CAND2: variants seen among roughly 807,000 people sequenced by gnomAD.
The protein encoded by CAND2 is cullin associated and neddylation dissociated 2 (putative).
A neutral mutation model predicts 98.9 loss-of-function variants in CAND2; 62 were observed. The observed-to-expected ratio is 0.63, with a 90% CI of 0.51 to 0.77. The LOEUF (loss-of-function observed/expected upper bound fraction) is 0.77, where lower values mean the gene tolerates loss of function less well. Ranked by LOEUF, CAND2 falls within the 30% of genes least tolerant of loss-of-function variation. CAND2 has a pLI of 0.00. For synonymous variants in CAND2, 770 were observed against 731.9 expected (o/e 1.05, Z -0.84); for missense variants, 1,501 against 1,655.2 (o/e 0.91, Z 1.62).
chr3:12,808,554 C>G (rs1454734627), intron 4 of CAND2, among the ~76,000 whole-genome samples: 2 of 152,150 alleles, frequency 1.3e-5, no homozygotes, highest in Non-Finnish European at 1.5e-5. Flanking sequence ...CCTGCTCTGG[C>G]CAGAAAAATG....
intron 5 of CAND2, 72 bp from the exon 6 acceptor site, chr3:12,812,918 C>T: frequency 1.1e-6 from 1 of 911,646 alleles, no homozygotes; most frequent in Non-Finnish European, 1.8e-6. Context: ...CATAGACAGT[C>T]TGAGTGCTGT....
At position 12,812,221 on chromosome 3, in the gene CAND2, C is replaced by CTTTTTTTTTTTTTTTTT. The variant is rs531439250; in HGVS notation, c.758-766_758-750dup. Among the ~76,000 whole-genome samples the CTTTTTTTTTTTTTTTTT allele has an allele frequency of 4.4e-3, 326 of 74,488 alleles. 66 individuals carry two copies. In the East Asian group the frequency reaches 0.045, roughly 10 times the overall value. 48.9% of individuals were successfully genotyped at this position (74,488 alleles called of 152,430 possible). ...ACCATGCCCGGCCTAAGCTGTTTAT[C>CTTTTTTTTTTTTTTTTT]TTTTTTTTTTTTTTTTTTTGGAGAT... On this transcript the variant is annotated intron_variant, in intron 5 of 14. Coordinates refer to ENST00000456430, the MANE Select transcript of CAND2 (RefSeq NM_001162499.2).
chr3:12,828,344 T>TTTC (rs1471896925), intron 13 of CAND2, among the ~76,000 whole-genome samples: 2 of 150,182 alleles, frequency 1.3e-5, no homozygotes, highest in Non-Finnish European at 3.0e-5. Flanking sequence ...GTGTTTTTTT[T>TTTC]TTTTTTTTTT....
chr3:12,815,486 C>A lies in CAND2; in HGVS notation c.1299+53C>A. The A allele has an allele frequency of 6.6e-7, 1 of 1,519,112 alleles. No individual in the cohort carries two copies. Among genetic ancestry groups the A allele is most frequent in the Non-Finnish European group, 9.0e-7 (1 of 1,111,974 alleles). 94.1% of individuals were successfully genotyped at this position (1,519,112 alleles called of 1,614,324 possible). ...CCCCCGATTTGCCTACCCAGCCACT[C>A]ACTGTTAGTGTCCCTGGACTTGGAA... is the stretch of plus-strand genomic sequence containing the variant. On this transcript the variant is annotated intron_variant, in intron 8 of 14. Coordinates refer to ENST00000456430, the MANE Select transcript of CAND2 (RefSeq NM_001162499.2). This position sits in a 1 kb window ranked among gnomAD's most constrained non-coding sequence, Gnocchi z 5.7.
In CAND2 at chr3:12,812,595, G is replaced by A. The variant is rs572469472; in HGVS notation, c.758-395G>A. On this transcript the variant is annotated intron_variant, in intron 5 of 14. Transcript: ENST00000456430. ...AATTTTTTGTATTTTTAGTAGAGACGGGGTTTCACCTTGTTAGCCAGGATA... is the reference window on the plus strand; with the variant it reads ...AATTTTTTGTATTTTTAGTAGAGACAGGGTTTCACCTTGTTAGCCAGGATA... Among the ~76,000 whole-genome samples, 1,127 of 151,822 alleles carry A rather than the reference G, an allele frequency of 7.4e-3. 13 individuals carry two copies. Among genetic ancestry groups the A allele is most frequent in the African/African-American group, 0.025 (1,027 of 41,392 alleles).
Position 12,803,612 on chromosome 3 carries a change from C to A in CAND2, c.193C>A (p.Gln65Lys). 1 of 1,609,434 alleles carries A rather than the reference C, an allele frequency of 6.2e-7. No individual in the cohort carries two copies. Among genetic ancestry groups the A allele is most frequent in the Non-Finnish European group, 8.5e-7 (1 of 1,177,588 alleles). The stretch of plus-strand genomic sequence containing the variant: ...CCTGGAGGACAAGAACGGTGAGGTG[C>A]AGAACCTGGCTGTCAAGTGGTGAGT... ...RLLEDKNGEV[Q>K]NLAVKCLGPL... is the part of the protein sequence containing the mutation. Residue 65 changes from glutamine (Q) to lysine (K), a missense_variant, in exon 2 of 15, where the codon CAG (glutamine) becomes AAG (lysine). Gln to Lys is a moderately conservative substitution (Grantham distance 53). Transcript: ENST00000456430.
intron 2 of CAND2, among the ~76,000 whole-genome samples, chr3:12,806,823 T>C (rs1332464612): frequency 3.3e-5 from 5 of 152,194 alleles, no homozygotes; most frequent in Non-Finnish European, 7.3e-5. Flanking sequence ...GCATTGCCAA[T>C]GCTAACTCAC....
chr3:12,807,339 C>A lies in CAND2; in HGVS notation c.246C>A (p.Tyr82Ter). Residue 82 changes from tyrosine (Y) to a stop codon, truncating the protein, a stop_gained, in exon 3 of 15, where the codon TAC (tyrosine) becomes TAA (stop). Transcript: ENST00000456430. LOFTEE classifies it high-confidence loss of function. ...LGPLVVKVKE[Y>*]QVETIVDTLC... ...CTCTGGTGGTCAAAGTGAAGGAGTA[C>A]CAGGTGGAGACCATTGTGGACACCC... is the stretch of plus-strand genomic sequence containing the variant. 1.3e-6 allele frequency: 2 copies of A among 1,551,562 alleles called. No homozygotes were observed. Among genetic ancestry groups the A allele is most frequent in the Non-Finnish European group, 1.7e-6 (2 of 1,146,906 alleles).
At chr3:12,806,703 T>C (rs570552032) in intron 2 of CAND2, among the ~76,000 whole-genome samples, 1 of 152,270 alleles carries the variant, frequency 6.6e-6, no homozygotes, top group African/African-American at 2.4e-5. Context: ...TTTTACACTT[T>C]CCTGTGCATT....
chr3:12,801,476 C>T (rs3856810), intron 1 of CAND2, among the ~76,000 whole-genome samples: 23,378 of 152,194 alleles, frequency 0.15, 3,743 homozygotes, highest in African/African-American at 0.41. Flanking sequence ...TTAATTTTGG[C>T]GGGAATGGTG....
chr3:12,826,211 G>A (rs2061997728), intron 12 of CAND2, among the ~76,000 whole-genome samples: 1 of 152,190 alleles, frequency 6.6e-6, no homozygotes, highest in Admixed American at 6.5e-5. Flanking sequence ...CTATTGTGAT[G>A]TAATCCCATC....
intron 14 of CAND2, among the ~76,000 whole-genome samples, chr3:12,832,974 C>CCT (rs2062067359): frequency 6.6e-6 from 1 of 152,180 alleles, no homozygotes; most frequent in African/African-American, 2.4e-5. Flanking sequence ...GTCGTTTAAT[C>CCT]CTCTTGGCAA....
rs965214183 is a variant in CAND2, at chr3:12,834,786, A to G, written c.*804A>G. 1 of 152,174 alleles carries G rather than the reference A, an allele frequency of 6.6e-6. No homozygotes were observed. The highest frequency in any genetic ancestry group is 2.1e-4 in the South Asian group (1 of 4,820). 9.4% of individuals were successfully genotyped at this position (152,174 alleles called of 1,614,324 possible). A position where few individuals can be genotyped will look rare whatever the true frequency, so the allele number is the denominator to read the frequency against. On this transcript the variant is annotated 3_prime_UTR_variant, in exon 15 of 15. Transcript: ENST00000456430. ...TTTCTGTGATATCCCAGGTTAATAA[A>G]GATTAGATTCTAAGTTACTTCTTTC... is the stretch of plus-strand genomic sequence containing the variant.
rs937363344 is a variant in CAND2, at chr3:12,808,465, G to A, written c.491+132G>A. ...GCTCCTTAATCATCCCAGCAGCCTC[G>A]TAAAGGAGAACTCAATTGTCACAAT... On this transcript the variant is annotated intron_variant, in intron 4 of 14. Transcript: ENST00000456430. 8.7e-5 allele frequency: 89 copies of A among 1,017,784 alleles called. 2 individuals carry two copies. The South Asian group carries it at 1.2e-3, about 14-fold the overall frequency. The allele number at this position is 1,017,784 out of a possible 1,614,324, so 63.0% of individuals were successfully genotyped here. A position where few individuals can be genotyped will look rare whatever the true frequency, so the allele number is the denominator to read the frequency against.
intron 5 of CAND2, among the ~76,000 whole-genome samples, chr3:12,812,436 C>T (rs374627574): frequency 1.2e-4 from 14 of 113,498 alleles, no homozygotes; most frequent in African/African-American, 4.6e-4. Flanking sequence ...CTCGCTCTGT[C>T]GCCCAGGCCA....
In CAND2 at chr3:12,810,122, C is replaced by T; in HGVS notation, c.555C>T (p.Ser185=). ...TGCACTGTCTGCTGCCACAGCTGAG[C>T]AGCCCGCGCCTGGCGGTGCGCAAGC... ...SLLHCLLPQL[S]SPRLAVRKRA... Residue 185 remains serine (S), a synonymous_variant, in exon 5 of 15, where the codon AGC becomes AGT. Coordinates refer to ENST00000456430, the MANE Select transcript of CAND2 (RefSeq NM_001162499.2). 6.6e-7 allele frequency: 1 copy of T among 1,515,098 alleles called. No individual in the cohort carries two copies. The highest frequency in any genetic ancestry group is 8.8e-7 in the Non-Finnish European group (1 of 1,135,536). The allele number at this position is 1,515,098 out of a possible 1,614,324, so 93.9% of individuals were successfully genotyped here. A position where few individuals can be genotyped will look rare whatever the true frequency, so the allele number is the denominator to read the frequency against.
At chr3:12,808,411 C>G (rs1164853190) in intron 4 of CAND2, 78 bp downstream of exon 4, 1 of 1,468,324 alleles carries the variant, frequency 6.8e-7, no homozygotes, top group African/African-American at 1.4e-5. Context: ...AGAGCTAGCA[C>G]CTACTGCACA....
chr3:12,808,929 A>T (rs2061828716), intron 4 of CAND2, among the ~76,000 whole-genome samples: 1 of 151,960 alleles, frequency 6.6e-6, no homozygotes, highest in Non-Finnish European at 1.5e-5. Context: ...GGGTATGCAG[A>T]GCTGAGGTGC....
Position 12,816,561 on chromosome 3 carries a change from G to A in CAND2, c.1629G>A (p.Val543=). The change falls in exon 10 of 15, where the codon GTG becomes GTA. Residue 543 remains valine (V), a synonymous_variant. Transcript: ENST00000456430. ...SFYKIAAEAL[V]VLQELVRALW... ...ACAAGATTGCAGCCGAGGCCCTGGT[G>A]GTGCTGCAGGAGCTGGTGCGGGCCC... 1 of 1,613,966 alleles carries A rather than the reference G, an allele frequency of 6.2e-7. No individual in the cohort carries two copies.
Sources: gnomAD v4.1 joint callset for allele counts (sites outside exome capture counted in the v4.1 genomes callset) on GRCh38, gnomAD v4.1.1 for gene constraint, Gnocchi (gnomAD v3.1) non-coding constraint, MANE v1.5 for transcripts, NCBI Gene and HGNC (gene_info 2026-07-23, HGNC 2026-07-21) for gene names.